SYNE3: variants seen among roughly 807,000 people sequenced by gnomAD.
The protein encoded by SYNE3 is nesprin-3.
In SYNE3, 100 loss-of-function variants were observed where a neutral mutation model predicts 111.2. That is an observed-to-expected ratio of 0.90 (90% confidence interval 0.77 to 1.06). SYNE3 has a LOEUF of 1.06. Ranked by LOEUF, SYNE3 falls within the 50% of genes least tolerant of loss-of-function variation. SYNE3 has a pLI of 0.00. For synonymous variants in SYNE3, 547 were observed against 533.9 expected, an observed-to-expected ratio of 1.02 and a Z score of -0.34; for missense variants, 1,160 against 1,240.3, an observed-to-expected ratio of 0.94 and a Z score of 0.97.
In SYNE3 at chr14:95,439,350, C is replaced by G. The variant is rs115413052; in HGVS notation, c.2247-188G>C. On this transcript the variant is annotated intron_variant, in intron 13 of 17. Coordinates refer to ENST00000682763, the MANE Select transcript of SYNE3 (RefSeq NM_152592.6). ...TAAACTCAGAGTAACCTGTCATGAA[C>G]GTGCGTACGCCCATAGATGCAGATG... Among the ~76,000 whole-genome samples, 706 of 152,352 alleles carry G rather than the reference C, an allele frequency of 4.6e-3. 4 individuals are homozygous for G. The highest frequency in any genetic ancestry group is 0.016 in the African/African-American group (669 of 41,586).
Position 95,417,981 on chromosome 14 carries a change from A to G in SYNE3, c.2773T>C (p.Cys925Arg), listed in dbSNP as rs1903638779. The change falls in exon 18 of 18, where the codon TGT becomes CGT. Residue 925 changes from cysteine to arginine, a missense_variant. Cys to Arg is a radical substitution (Grantham distance 180). Coordinates refer to ENST00000682763, the MANE Select transcript of SYNE3 (RefSeq NM_152592.6). ...GLGSLFRRAC[C>R]VALPLQLLLL... is the part of the protein sequence containing the mutation. ...AGCAGCTGCAGTGGGAGCGCCACAC[A>G]GCACGCCCTCCGGAAGAGGGAGCCC... The G allele has an allele frequency of 6.2e-7, 1 of 1,612,688 alleles. No homozygotes were observed. Among genetic ancestry groups the G allele is most frequent in the Non-Finnish European group, 8.5e-7 (1 of 1,179,856 alleles).
At chr14:95,465,894 G>C in intron 4 of SYNE3, 37 bp downstream of exon 4, 4 of 1,534,406 alleles carry the variant, frequency 2.6e-6, no homozygotes, top group Non-Finnish European at 3.5e-6. Context: ...ACATGGATGG[G>C]TGGGTGAGGA....
intron 1 of SYNE3, among the ~76,000 whole-genome samples, chr14:95,477,659 G>T (rs1175274021): frequency 1.3e-5 from 2 of 152,306 alleles, no homozygotes; most frequent in Non-Finnish European, 2.9e-5. Context: ...GGCTGGCCAG[G>T]GGGAGGTGGG....
intron 11 of SYNE3, among the ~76,000 whole-genome samples, chr14:95,441,584 G>GTTAACGCTGC (rs1376776815): frequency 6.6e-6 from 1 of 152,270 alleles, no homozygotes. Context: ...GTGATGCTCA[G>GTTAACGCTGC]TTAACGCTGC....
intron 1 of SYNE3, chr14:95,516,322 C>T (rs926975318): frequency 6.6e-6 from 1 of 152,228 alleles, no homozygotes; most frequent in Non-Finnish European, 1.5e-5. Flanking sequence ...GTGGGCCGGC[C>T]GAAGCTCCCC....
chr14:95,449,645 C>T (rs1886935739), intron 8 of SYNE3: 1 of 985,402 alleles, frequency 1.0e-6, no homozygotes, highest in African/African-American at 1.7e-5. Flanking sequence ...CCTGAGAACG[C>T]TGCTCTCTCA....
Position 95,439,899 on chromosome 14 carries a change from G to C in SYNE3, c.2073+15C>G. On this transcript the variant is annotated intron_variant, in intron 12 of 17. Coordinates refer to ENST00000682763, the MANE Select transcript of SYNE3 (RefSeq NM_152592.6). ...CTGCTTCTTTGGGAAGTGGGTGAGG[G>C]AACCACCGCCTTACCTCAAACTCGG... The C allele has an allele frequency of 1.2e-6, 2 of 1,607,172 alleles. No individual in the cohort carries two copies. The highest frequency in any genetic ancestry group is 1.7e-6 in the Non-Finnish European group (2 of 1,176,152).
At chr14:95,467,498 AG>A (rs10712784) in intron 3 of SYNE3, among the ~76,000 whole-genome samples, 54,404 of 152,044 alleles carry the variant, frequency 0.36, 10,246 homozygotes, top group Non-Finnish European at 0.41. Flanking sequence ...CAGTGCTAGC[AG>A]GGCCCCAGGC....
chr14:95,453,915 T>A (rs946699652), intron 6 of SYNE3, among the ~76,000 whole-genome samples: 2 of 152,204 alleles, frequency 1.3e-5, no homozygotes, highest in Non-Finnish European at 2.9e-5. Flanking sequence ...TAAGACCACA[T>A]CCCTTCCAGC....
intron 9 of SYNE3, 60 bp downstream of exon 9, chr14:95,445,849 A>G: frequency 6.3e-7 from 1 of 1,575,966 alleles, no homozygotes; most frequent in Non-Finnish European, 8.7e-7. Context: ...CTGCCTCCCC[A>G]GTGGGTGCTC....
At chr14:95,427,493 C>G (rs554651196) in intron 17 of SYNE3, among the ~76,000 whole-genome samples, 1 of 152,196 alleles carries the variant, frequency 6.6e-6, no homozygotes, top group African/African-American at 2.4e-5. Context: ...CTGGCTCTGC[C>G]TTCTAGATAG....
At chr14:95,438,759 G>A in intron 14 of SYNE3, 1 of 335,846 alleles carries the variant, frequency 3.0e-6, no homozygotes, top group Non-Finnish European at 5.6e-6. Context: ...GCTGCTAGTG[G>A]CTCACAGAGG....
intron 1 of SYNE3, among the ~76,000 whole-genome samples, chr14:95,479,890 C>A (rs940547156): frequency 1.2e-4 from 18 of 152,160 alleles, no homozygotes; most frequent in Non-Finnish European, 1.5e-5. Flanking sequence ...AGGAGGGAAG[C>A]ACTCTGCACT....
At chr14:95,451,785 G>T in intron 7 of SYNE3, 1 of 153,442 alleles carries the variant, frequency 6.5e-6, no homozygotes. Context: ...CACACAGGGA[G>T]GATACAGGGC....
intron 4 of SYNE3, 27 bp from the exon 5 acceptor site, chr14:95,457,365 A>T (rs748394974): frequency 3.0e-5 from 48 of 1,609,180 alleles, no homozygotes; most frequent in Middle Eastern, 1.7e-4. Flanking sequence ...ATCACCAGCC[A>T]TGAGGGTCCC....
In SYNE3 at chr14:95,452,217, A is replaced by T. The variant is rs778565095; in HGVS notation, c.1274+30T>A. ...GAAATGTGGGTTCCAGCACACCCTG[A>T]GTCCCACCACCCTTGGCCTTCCCAG... On this transcript the variant is annotated intron_variant, in intron 7 of 17. Coordinates refer to ENST00000682763, the MANE Select transcript of SYNE3 (RefSeq NM_152592.6). The T allele has an allele frequency of 1.4e-5, 22 of 1,559,388 alleles. 1 individual carries two copies. Among genetic ancestry groups the T allele is most frequent in the East Asian group, 1.1e-4 (5 of 43,610 alleles).
chr14:95,463,013 G>A (rs58841621), intron 4 of SYNE3, among the ~76,000 whole-genome samples: 1,912 of 152,136 alleles, frequency 0.013, 39 homozygotes, highest in African/African-American at 0.043. Context: ...AAAATTAGCC[G>A]GGCATGGTGA....
In SYNE3 at chr14:95,439,542, C is replaced by A. The variant is rs999413034; in HGVS notation, c.2246+70G>T. The A allele has an allele frequency of 5.1e-6, 8 of 1,582,974 alleles. No homozygotes were observed. The African/African-American group carries it at 1.1e-4, about 21-fold the overall frequency. On this transcript the variant is annotated intron_variant, in intron 13 of 17. Coordinates refer to ENST00000682763, the MANE Select transcript of SYNE3 (RefSeq NM_152592.6). ...GCACCCTGGCCCTCTGCTCCACGAG[C>A]ACCTGAGTGTCCCTGAGTGAGAAGG...
At position 95,446,057 on chromosome 14, in the gene SYNE3, AGC is replaced by A; in HGVS notation, c.1482_1483del (p.Glu494AspfsTer40). 4 of 1,614,166 alleles carry A rather than the reference AGC, an allele frequency of 2.5e-6. No individual in the cohort carries two copies. The highest frequency in any genetic ancestry group is 3.4e-6 in the Non-Finnish European group (4 of 1,180,040). On this transcript the variant is annotated frameshift_variant, in exon 9 of 18. Transcript: ENST00000682763. LOFTEE classifies it high-confidence loss of function. ...TTTCTTCAGCTGCAGCATCGTCAGC[AGC>A]TCTTTCAGGCGGGAGCTTTCCATCA...
Sources: gnomAD v4.1 joint callset for allele counts (sites outside exome capture counted in the v4.1 genomes callset) on GRCh38, gnomAD v4.1.1 for gene constraint, MANE v1.5 for transcripts, NCBI Gene and HGNC (gene_info 2026-07-23, HGNC 2026-07-21) for gene names.